SPATA17: variants seen among roughly 807,000 people sequenced by gnomAD.
SPATA17 encodes the protein spermatogenesis associated 17.
SPATA17 carries 53 observed loss-of-function variants against 62.2 expected under a neutral mutation model. That is an observed-to-expected ratio of 0.85 (90% CI 0.68 to 1.07). The LOEUF (loss-of-function observed/expected upper bound fraction) is 1.07. Among genes scored for constraint, SPATA17 ranks in the 50% least tolerant of loss-of-function variants. The pLI is 0.00. For synonymous variants in SPATA17, 146 were observed against 146.8 expected, an observed-to-expected ratio of 0.99 and a Z score of 0.04; for missense variants, 466 against 425.5, an observed-to-expected ratio of 1.10 and a Z score of -0.84.
chr1:217,749,595 G>A (rs72728826), intron 6 of SPATA17, among the ~76,000 whole-genome samples: 65,962 of 151,682 alleles, frequency 0.43, 15,707 homozygotes, highest in Non-Finnish European at 0.55. Flanking sequence ...ATCATTCCAG[G>A]TGTCTTTCAA....
chr1:217,660,742 A>G (rs1176091189), intron 3 of SPATA17, among the ~76,000 whole-genome samples: 1 of 152,218 alleles, frequency 6.6e-6, no homozygotes, highest in Admixed American at 6.5e-5. Flanking sequence ...GATATGTGGG[A>G]CATAGCTACA....
chr1:217,817,586 A>G (rs904060373), intron 9 of SPATA17, among the ~76,000 whole-genome samples: 21 of 152,032 alleles, frequency 1.4e-4, no homozygotes, highest in Admixed American at 7.2e-4. Context: ...ACAGATGGTG[A>G]TGATGGTGTG....
intron 9 of SPATA17, among the ~76,000 whole-genome samples, chr1:217,819,920 T>C (rs1674817592): frequency 6.6e-6 from 1 of 152,058 alleles, no homozygotes; most frequent in Non-Finnish European, 1.5e-5. Flanking sequence ...ACACCTTCTA[T>C]GAGGCAGGAA....
intron 5 of SPATA17, among the ~76,000 whole-genome samples, chr1:217,707,276 T>G (rs778498920): frequency 6.6e-6 from 1 of 152,196 alleles, no homozygotes; most frequent in Non-Finnish European, 1.5e-5. Flanking sequence ...ATATTGATTT[T>G]GTACCCTGAA....
chr1:217,752,683 T>C (rs1672943948), intron 6 of SPATA17, among the ~76,000 whole-genome samples: 1 of 152,180 alleles, frequency 6.6e-6, no homozygotes, highest in South Asian at 2.1e-4. Context: ...AGAATTGGAT[T>C]CCCCATTTAT....
chr1:217,809,552 G>T (rs958345438), intron 9 of SPATA17, among the ~76,000 whole-genome samples: 2 of 150,028 alleles, frequency 1.3e-5, no homozygotes, highest in Admixed American at 1.3e-4. Context: ...CACATGAGGA[G>T]GTAAAACCCA....
intron 9 of SPATA17, among the ~76,000 whole-genome samples, chr1:217,804,344 A>G (rs1254933390): frequency 6.6e-6 from 1 of 152,222 alleles, no homozygotes; most frequent in Non-Finnish European, 1.5e-5. Context: ...AGAAAACTGT[A>G]TATCCACTGC....
intron 5 of SPATA17, among the ~76,000 whole-genome samples, chr1:217,711,510 C>T (rs968420711): frequency 6.6e-5 from 10 of 152,162 alleles, no homozygotes; most frequent in African/African-American, 2.4e-4. Context: ...CACTTTCTAG[C>T]TATGTGACCT....
intron 4 of SPATA17, among the ~76,000 whole-genome samples, chr1:217,673,767 A>G (rs530438874): frequency 6.6e-6 from 1 of 152,232 alleles, no homozygotes; most frequent in South Asian, 2.1e-4. Context: ...TCCTGGCAAT[A>G]TTACAAAGAT....
intron 9 of SPATA17, 120 bp downstream of exon 9, chr1:217,801,970 A>G: frequency 2.8e-6 from 3 of 1,078,750 alleles, no homozygotes; most frequent in South Asian, 1.8e-5. Flanking sequence ...AACATTTTTT[A>G]TAGCTGTTTT....
At chr1:217,786,269 G>A (rs1251806849) in intron 8 of SPATA17, among the ~76,000 whole-genome samples, 1 of 152,090 alleles carries the variant, frequency 6.6e-6, no homozygotes, top group Non-Finnish European at 1.5e-5. Context: ...GTGTGTGTAA[G>A]AGACAATGTA....
At chr1:217,809,276 T>C in intron 9 of SPATA17, among the ~76,000 whole-genome samples, 1 of 152,120 alleles carries the variant, frequency 6.6e-6, no homozygotes, top group South Asian at 2.1e-4. Context: ...GCATAAAGAA[T>C]GTATACAGTG....
chr1:217,828,182 A>T (rs1675045812), intron 9 of SPATA17, among the ~76,000 whole-genome samples: 1 of 152,176 alleles, frequency 6.6e-6, no homozygotes, highest in African/African-American at 2.4e-5. Flanking sequence ...AAGTTATATT[A>T]CAAAACTACA....
chr1:217,763,262 T>C (rs914976622), intron 6 of SPATA17, among the ~76,000 whole-genome samples: 11 of 152,064 alleles, frequency 7.2e-5, no homozygotes, highest in African/African-American at 2.4e-4. Context: ...ATGAAAAGGG[T>C]CCCATGAGAG....
At chr1:217,636,387 A>C (rs1558546262) in intron 1 of SPATA17, among the ~76,000 whole-genome samples, 2 of 146,898 alleles carry the variant, frequency 1.4e-5, no homozygotes, top group South Asian at 4.4e-4. Context: ...ACACTGAACA[A>C]AATTATTATT....
At chr1:217,654,533 G>A (rs567574000) in intron 3 of SPATA17, among the ~76,000 whole-genome samples, 9 of 152,040 alleles carry the variant, frequency 5.9e-5, no homozygotes, top group Non-Finnish European at 1.2e-4. Flanking sequence ...TGCAAAAATA[G>A]TACAAAGAAC....
intron 8 of SPATA17, among the ~76,000 whole-genome samples, chr1:217,788,156 G>T (rs1230530432): frequency 1.3e-5 from 2 of 152,030 alleles, no homozygotes; most frequent in Non-Finnish European, 2.9e-5. Context: ...CTTCACTAAG[G>T]TATTATGAGA....
intron 5 of SPATA17, among the ~76,000 whole-genome samples, chr1:217,693,235 G>T (rs1437422554): frequency 2.0e-5 from 3 of 147,908 alleles, no homozygotes; most frequent in Non-Finnish European, 1.5e-5. Flanking sequence ...TGTATGTGTC[G>T]AGGAATGTAT....
intron 8 of SPATA17, among the ~76,000 whole-genome samples, chr1:217,783,408 T>C (rs1245425862): frequency 6.6e-6 from 1 of 152,030 alleles, no homozygotes; most frequent in East Asian, 1.9e-4. Flanking sequence ...AGCAATTACT[T>C]GAAGTGAAAT....
Sources: allele counts gnomAD v4.1 joint callset (sites outside exome capture counted in the v4.1 genomes callset), GRCh38; gene constraint gnomAD v4.1.1; transcripts MANE v1.5; gene names NCBI Gene and HGNC (gene_info 2026-07-23, HGNC 2026-07-21).